Variants in MAGI2 observed in about 807,000 individuals in gnomAD.
MAGI2 encodes the protein membrane-associated guanylate kinase, WW and PDZ domain-containing protein 2.
A neutral mutation model predicts 133.3 loss-of-function variants in MAGI2; 35 were observed. The ratio of observed to expected loss-of-function variants is 0.26; its 90% CI spans 0.20 to 0.35. The LOEUF is 0.35. MAGI2 is among the 10% of genes least tolerant of loss of function. The pLI is 1.00. For missense variants in MAGI2, 1,636 were observed against 1,863.4 expected (o/e 0.88, Z 2.25); for synonymous variants, 729 against 710.6 (o/e 1.03, Z -0.41).
intron 1 of MAGI2, among the ~76,000 whole-genome samples, chr7:79,325,830 G>A (rs1378294069): frequency 6.6e-6 from 1 of 152,058 alleles, no homozygotes; most frequent in Non-Finnish European, 1.5e-5. Context: ...ATTTTTAAAG[G>A]CCATTAAAGT....
At chr7:78,196,066 C>T (rs1000011693) in intron 11 of MAGI2, among the ~76,000 whole-genome samples, 1 of 152,222 alleles carries the variant, frequency 6.6e-6, no homozygotes, top group African/African-American at 2.4e-5. Flanking sequence ...TCACCTTCCT[C>T]ATATTGGCTG....
At chr7:78,495,122 T>TTTA (rs1361304200) in intron 5 of MAGI2, among the ~76,000 whole-genome samples, 2 of 152,148 alleles carry the variant, frequency 1.3e-5, no homozygotes, top group South Asian at 2.1e-4. Flanking sequence ...ACAAAACACT[T>TTTA]TTATTATTAT....
intron 10 of MAGI2, among the ~76,000 whole-genome samples, chr7:78,221,158 C>CTA (rs560729655): frequency 3.2e-3 from 488 of 152,320 alleles, no homozygotes; most frequent in Non-Finnish European, 5.5e-3. Flanking sequence ...TCCTCTTTCC[C>CTA]ATCTATGGCT....
intron 6 of MAGI2, among the ~76,000 whole-genome samples, chr7:78,379,856 A>C (rs1794761849): frequency 6.6e-6 from 1 of 152,068 alleles, no homozygotes; most frequent in African/African-American, 2.4e-5. Context: ...TCCTGACCAT[A>C]ATGCAATAAA....
At chr7:78,931,314 ACCACTGTACATAAATTTTAGTT>A (rs1554610218) in intron 2 of MAGI2, among the ~76,000 whole-genome samples, 1 of 152,088 alleles carries the variant, frequency 6.6e-6, no homozygotes, top group Non-Finnish European at 1.5e-5. Flanking sequence ...AGTCGACATT[ACCACTGTACATAAATTTTAGTT>A]CCCCTCTTCC....
intron 2 of MAGI2, among the ~76,000 whole-genome samples, chr7:78,811,044 G>C (rs1789002309): frequency 6.6e-6 from 1 of 151,850 alleles, no homozygotes; most frequent in Admixed American, 6.6e-5. Flanking sequence ...ATTTATCCTT[G>C]CTATCAATTA....
chr7:79,108,803 G>A (rs1818661775), intron 1 of MAGI2, among the ~76,000 whole-genome samples: 1 of 152,148 alleles, frequency 6.6e-6, no homozygotes, highest in Non-Finnish European at 1.5e-5. Flanking sequence ...AGATCATAGG[G>A]GTGGATCCCT....
chr7:78,995,060 A>T (rs1262670743), intron 2 of MAGI2, among the ~76,000 whole-genome samples: 1 of 152,166 alleles, frequency 6.6e-6, no homozygotes, highest in African/African-American at 2.4e-5. Flanking sequence ...AAGTTAAAAA[A>T]ATAAAATAAA....
rs892934305 is a variant in MAGI2, at chr7:78,333,671, G to A, written c.1408+10107C>T. ...CTCTCAAGCTACCCTAAGCTACCTT[G>A]TCATTGAGACTGTGTGGAGCAATGC... On this transcript the variant is annotated intron_variant, in intron 9 of 21. Transcript: ENST00000354212. 5.9e-5 allele frequency among the ~76,000 whole-genome samples: 9 copies of A among 152,294 alleles called. No homozygotes were observed. In the East Asian group the frequency reaches 1.7e-3, roughly 29 times the overall value.
rs138708479 is a variant in MAGI2, at chr7:79,130,427, C to T, written c.302-123221G>A. Among the ~76,000 whole-genome samples, 1,050 of 152,286 alleles carry T rather than the reference C, an allele frequency of 6.9e-3. 5 individuals carry two copies. The highest frequency in any genetic ancestry group is 0.011 in the Non-Finnish European group (760 of 68,030). The stretch of plus-strand genomic sequence containing the variant: ...AGAAACCTGAAGAATGAAGATTATT[C>T]GGCTTTTCTTTTGCAGGTGCAATGC... On this transcript the variant is annotated intron_variant, in intron 1 of 21. Transcript: ENST00000354212.
intron 1 of MAGI2, among the ~76,000 whole-genome samples, chr7:79,104,776 G>C (rs918361657): frequency 6.6e-6 from 1 of 152,098 alleles, no homozygotes; most frequent in Non-Finnish European, 1.5e-5. Context: ...AATGAGGAAA[G>C]GACCTTCTCC....
Position 78,226,110 on chromosome 7 carries a change from A to C in MAGI2, c.2048-24917T>G, listed in dbSNP as rs373413092. On this transcript the variant is annotated intron_variant, in intron 10 of 21. Transcript: ENST00000354212. ...TGATTCAACTGATATAAAATTACTC[A>C]TGTCAATTTGCCATATGAGTTTTTA... Among the ~76,000 whole-genome samples the C allele has an allele frequency of 2.0e-5, 3 of 152,070 alleles. No individual in the cohort carries two copies. The East Asian group carries it at 5.8e-4, about 29-fold the overall frequency.
intron 2 of MAGI2, among the ~76,000 whole-genome samples, chr7:78,631,418 CCTT>C (rs1808984733): frequency 6.6e-6 from 1 of 152,170 alleles, no homozygotes; most frequent in South Asian, 2.1e-4. Flanking sequence ...GTGCCTGCCT[CCTT>C]CTTTCAGTTC....
intron 6 of MAGI2, among the ~76,000 whole-genome samples, chr7:78,477,050 C>T (rs1329910482): frequency 2.0e-5 from 3 of 151,872 alleles, no homozygotes; most frequent in Non-Finnish European, 4.4e-5. Context: ...AACTAAAAGC[C>T]ATAGTTAATG....
chr7:78,478,581 A>C (rs544278997), intron 6 of MAGI2, among the ~76,000 whole-genome samples: 19 of 151,972 alleles, frequency 1.3e-4, no homozygotes, highest in Admixed American at 3.9e-4. Flanking sequence ...TACTGTTATC[A>C]GTTGGTACCA....
chr7:78,932,600 C>T lies in MAGI2; in HGVS notation c.418+74490G>A, dbSNP rs551123485. Among the ~76,000 whole-genome samples the T allele has an allele frequency of 6.8e-4, 103 of 151,756 alleles. 1 individual carries two copies. The highest frequency in any genetic ancestry group is 2.5e-3 in the African/African-American group (103 of 41,428). On this transcript the variant is annotated intron_variant, in intron 2 of 21. Transcript: ENST00000354212. ...TTAGTGTCACAGTGAACACATGCCA[C>T]TTAATGGCATGCAGATCATGAAATA...
chr7:78,143,978 C>G (rs1299052610), intron 16 of MAGI2, among the ~76,000 whole-genome samples: 1 of 146,970 alleles, frequency 6.8e-6, no homozygotes, highest in Non-Finnish European at 1.5e-5. Flanking sequence ...AAATTAGTGG[C>G]TGTCTATGTT....
chr7:79,421,727 G>T (rs1160267642), intron 1 of MAGI2, among the ~76,000 whole-genome samples: 1 of 151,904 alleles, frequency 6.6e-6, no homozygotes, highest in Admixed American at 6.6e-5. Context: ...ACTCTGAAAA[G>T]AATATCCTTG....
chr7:78,212,663 G>A (rs1426513626), intron 10 of MAGI2, among the ~76,000 whole-genome samples: 1 of 152,132 alleles, frequency 6.6e-6, no homozygotes, highest in African/African-American at 2.4e-5. Context: ...ATGTATTATG[G>A]TAGCAGTAGC....
Sources: gnomAD v4.1 joint callset for allele counts (sites outside exome capture counted in the v4.1 genomes callset) on GRCh38, gnomAD v4.1.1 for gene constraint, MANE v1.5 for transcripts, NCBI Gene and HGNC (gene_info 2026-07-23, HGNC 2026-07-21) for gene names.